Variants in TRPM3 observed in about 807,000 individuals in gnomAD.
TRPM3 encodes long transient receptor potential channel 3.
Under a neutral mutation model 181.2 loss-of-function variants are expected in TRPM3, and 77 were observed. That is an observed-to-expected ratio of 0.42 (90% CI 0.35 to 0.51). The LOEUF (loss-of-function observed/expected upper bound fraction) is 0.51. TRPM3 is among the 20% of genes least tolerant of loss of function. The probability of loss-of-function intolerance (pLI) is 0.01; values close to 1 mark genes in which losing one functional copy is unlikely to be tolerated. For synonymous variants in TRPM3, 745 were observed against 796.4 expected (o/e 0.94, Z 1.09); for missense variants, 1,759 against 2,196.7 (o/e 0.80, Z 3.98).
chr9:70,872,456 A>G (rs1181488050), intron 1 of TRPM3, among the ~76,000 whole-genome samples: 3 of 151,890 alleles, frequency 2.0e-5, no homozygotes, highest in African/African-American at 4.8e-5. Context: ...CCTGGATAGA[A>G]CCATCCTCAG....
intron 1 of TRPM3, among the ~76,000 whole-genome samples, chr9:70,887,312 A>G (rs1193738861): frequency 6.6e-6 from 1 of 152,208 alleles, no homozygotes; most frequent in Non-Finnish European, 1.5e-5. Flanking sequence ...AAATTAAATA[A>G]TATTTACTGA....
chr9:71,362,689 G>A (rs1034268294), intron 1 of TRPM3, among the ~76,000 whole-genome samples: 4 of 152,010 alleles, frequency 2.6e-5, no homozygotes, highest in Non-Finnish European at 4.4e-5. Context: ...GAACATAAGC[G>A]ATAACAATTT....
At chr9:71,241,338 T>G (rs753692219) in intron 1 of TRPM3, among the ~76,000 whole-genome samples, 1 of 152,038 alleles carries the variant, frequency 6.6e-6, no homozygotes, top group Non-Finnish European at 1.5e-5. Context: ...CTTAACTGAA[T>G]CTAGCCAAAA....
intron 1 of TRPM3, among the ~76,000 whole-genome samples, chr9:71,420,567 AAG>A (rs2093711505): frequency 6.6e-6 from 1 of 150,802 alleles, no homozygotes; most frequent in Non-Finnish European, 1.5e-5. Context: ...GAGAAAGAAA[AAG>A]AGAAGAGAAA....
chr9:70,633,405 T>C (rs1165127092), intron 12 of TRPM3, among the ~76,000 whole-genome samples: 3 of 152,052 alleles, frequency 2.0e-5, no homozygotes, highest in Non-Finnish European at 2.9e-5. Context: ...TCTACTACGA[T>C]GGCATGGAAT....
intron 9 of TRPM3, among the ~76,000 whole-genome samples, chr9:70,667,301 G>A (rs899887647): frequency 6.6e-6 from 1 of 152,082 alleles, no homozygotes; most frequent in Non-Finnish European, 1.5e-5. Context: ...TTTTGTGTGA[G>A]TGTCTTTAGG....
intron 1 of TRPM3, among the ~76,000 whole-genome samples, chr9:70,954,804 C>A (rs1356092234): frequency 6.9e-5 from 10 of 144,942 alleles, no homozygotes; most frequent in Non-Finnish European, 4.6e-5. Context: ...GGGAGAAGGC[C>A]GGGCCCTACG....
At chr9:70,908,385 A>G (rs1564735797) in intron 1 of TRPM3, among the ~76,000 whole-genome samples, 1 of 152,234 alleles carries the variant, frequency 6.6e-6, no homozygotes, top group Non-Finnish European at 1.5e-5. Flanking sequence ...TTTCAGACCA[A>G]TGTTTGCACT....
At chr9:71,196,636 C>G (rs1260224332) in intron 1 of TRPM3, among the ~76,000 whole-genome samples, 9 of 152,128 alleles carry the variant, frequency 5.9e-5, no homozygotes, top group Middle Eastern at 6.8e-3. Context: ...TCAATTTCTT[C>G]AGTAATTGAC....
intron 1 of TRPM3, among the ~76,000 whole-genome samples, chr9:71,337,494 C>A (rs1258175048): frequency 6.6e-6 from 1 of 152,124 alleles, no homozygotes; most frequent in Non-Finnish European, 1.5e-5. Context: ...TAAACTAGTT[C>A]AACCATTGTG....
At chr9:71,202,748 G>A (rs1004455052) in intron 1 of TRPM3, among the ~76,000 whole-genome samples, 2 of 152,098 alleles carry the variant, frequency 1.3e-5, no homozygotes, top group Non-Finnish European at 2.9e-5. Context: ...AGGTCTGAAT[G>A]CCAACTATGT....
intron 17 of TRPM3, among the ~76,000 whole-genome samples, chr9:70,616,655 C>G (rs778878083): frequency 2.0e-5 from 3 of 151,552 alleles, no homozygotes; most frequent in Non-Finnish European, 4.4e-5. Context: ...AGGGCATCTT[C>G]CTGGTATTTG....
At chr9:71,006,825 C>T (rs1459112575) in intron 1 of TRPM3, among the ~76,000 whole-genome samples, 1 of 145,002 alleles carries the variant, frequency 6.9e-6, no homozygotes, top group African/African-American at 2.6e-5. Flanking sequence ...GAGCCGAGAT[C>T]GCGCCACTGC....
intron 1 of TRPM3, among the ~76,000 whole-genome samples, chr9:70,876,790 AT>A: frequency 6.6e-6 from 1 of 152,044 alleles, no homozygotes; most frequent in South Asian, 2.1e-4. Flanking sequence ...CCCACAACCC[AT>A]TCTTTACCCA....
At chr9:70,954,736 G>A (rs1189475852) in intron 1 of TRPM3, among the ~76,000 whole-genome samples, 1 of 152,086 alleles carries the variant, frequency 6.6e-6, no homozygotes, top group Non-Finnish European at 1.5e-5. Flanking sequence ...AAATGGTTTC[G>A]AAGAGCAACA....
chr9:70,951,762 T>C (rs947818574), intron 1 of TRPM3, among the ~76,000 whole-genome samples: 13 of 152,218 alleles, frequency 8.5e-5, no homozygotes. Context: ...CTTGAGTTTC[T>C]GTACTAACTT....
At chr9:71,121,916 T>A (rs1430055487), upstream of TRPM3, among the ~76,000 whole-genome samples, 1 of 152,228 alleles carries the variant, frequency 6.6e-6, no homozygotes, top group Non-Finnish European at 1.5e-5. Context: ...TATCATCAAA[T>A]ACATCTATAG....
intron 22 of TRPM3, among the ~76,000 whole-genome samples, chr9:70,580,192 G>A (rs1044808715): frequency 2.0e-5 from 3 of 152,092 alleles, no homozygotes; most frequent in African/African-American, 7.2e-5. Flanking sequence ...CATTATGGTT[G>A]CATATTTTCT....
chr9:71,237,369 A>G (rs2081419624), intron 1 of TRPM3, among the ~76,000 whole-genome samples: 1 of 152,192 alleles, frequency 6.6e-6, no homozygotes, highest in South Asian at 2.1e-4. Context: ...TCCATTAGAA[A>G]TATTCCCTTC....
Sources: gnomAD v4.1 joint callset for allele counts (sites outside exome capture counted in the v4.1 genomes callset) on GRCh38, gnomAD v4.1.1 for gene constraint, MANE v1.5 for transcripts, NCBI Gene and HGNC (gene_info 2026-07-23, HGNC 2026-07-21) for gene names.